The following SUPT6H variants were observed in gnomAD, a reference collection of about 807,000 sequenced individuals.
The protein encoded by SUPT6H is SPT6 homolog, histone chaperone and transcription elongation factor, also known as transcription elongation factor SPT6.
A neutral mutation model predicts 222.3 loss-of-function variants in SUPT6H; 11 were observed. The ratio of observed to expected loss-of-function variants is 0.05; its 90% CI spans 0.03 to 0.08. SUPT6H has a LOEUF of 0.08. SUPT6H is among the 10% of genes least tolerant of loss of function. The probability of loss-of-function intolerance (pLI) is 1.00; values close to 1 mark genes in which losing one functional copy is unlikely to be tolerated. For missense variants in SUPT6H, 1,422 were observed against 2,216.0 expected (o/e 0.64, Z 7.19); for synonymous variants, 762 against 801.2 (o/e 0.95, Z 0.83).
intron 15 of SUPT6H, 37 bp downstream of exon 15, chr17:28,683,129 C>T (rs1209728949): frequency 2.6e-6 from 4 of 1,566,146 alleles, no homozygotes; most frequent in African/African-American, 1.4e-5. Flanking sequence ...AAGATGTGCA[C>T]CAGCTCTTTC....
chr17:28,664,920 G>T (rs2029926952), intron 1 of SUPT6H, among the ~76,000 whole-genome samples: 1 of 152,050 alleles, frequency 6.6e-6, no homozygotes, highest in African/African-American at 2.4e-5. Context: ...GAATGTTTTT[G>T]TAATCTGTCT....
chr17:28,671,176 C>G (rs1228457769), intron 1 of SUPT6H: 1 of 152,190 alleles, frequency 6.6e-6, no homozygotes, highest in East Asian at 1.9e-4. Context: ...CCACCCTTCT[C>G]TTCTCTCCCC....
chr17:28,679,365 T>A (rs1430353366), intron 11 of SUPT6H, among the ~76,000 whole-genome samples: 2 of 151,894 alleles, frequency 1.3e-5, no homozygotes, highest in African/African-American at 4.8e-5. Flanking sequence ...AGAGCGAGAC[T>A]TCGTCTCAAA....
rs572336813 is a variant in SUPT6H at position 28,674,697 on chromosome 17, C to T, written c.345+84C>T. On this transcript the variant is annotated intron_variant, in intron 4 of 36. Transcript: ENST00000314616. ...CAATGTCTGTGGGTGAGGAGGCACACGCAGGACAGTTTGGAGAACATTAGA... is the reference window on the plus strand; with the variant it reads ...CAATGTCTGTGGGTGAGGAGGCACATGCAGGACAGTTTGGAGAACATTAGA... The T allele has an allele frequency of 3.1e-5, 40 of 1,306,402 alleles. No individual in the cohort carries two copies. The South Asian group carries it at 3.3e-4, about 11-fold the overall frequency. 80.9% of individuals were successfully genotyped at this position (1,306,402 alleles called of 1,614,324 possible). A position where few individuals can be genotyped will look rare whatever the true frequency, so the allele number is the denominator to read the frequency against.
At chr17:28,669,685 A>G (rs955787690) in intron 1 of SUPT6H, among the ~76,000 whole-genome samples, 3 of 152,338 alleles carry the variant, frequency 2.0e-5, no homozygotes, top group Non-Finnish European at 2.9e-5. Flanking sequence ...CTGTAGTCCC[A>G]GCACTTTGGG....
chr17:28,688,445 A>G lies in SUPT6H; in HGVS notation c.3134+227A>G, dbSNP rs2031498366. The G allele has an allele frequency of 5.4e-6, 2 of 373,504 alleles. No individual in the cohort carries two copies. Among genetic ancestry groups the G allele is most frequent in the African/African-American group, 2.1e-5 (1 of 47,416 alleles). The allele number at this position is 373,504 out of a possible 1,614,324, so 23.1% of individuals were successfully genotyped here. A position where few individuals can be genotyped will look rare whatever the true frequency, so the allele number is the denominator to read the frequency against. ...AGAGAAACATAAAAAGTACCAGCTT[A>G]GCTTATAAATTAAGCATGGAAAACA... is the stretch of plus-strand genomic sequence containing the variant. On this transcript the variant is annotated intron_variant, in intron 24 of 36. Transcript: ENST00000314616. The surrounding 1 kb of genome is among the most constrained non-coding windows in gnomAD (Gnocchi z 4.3).
chr17:28,700,042 G>T (rs1265268412), intron 33 of SUPT6H, 131 bp from the exon 34 acceptor site: 1 of 1,441,888 alleles, frequency 6.9e-7, no homozygotes, highest in Non-Finnish European at 9.7e-7. Context: ...CACCAGGAAG[G>T]TTCTCCATCC....
chr17:28,665,360 GTTTAT>G (rs1328249424), intron 1 of SUPT6H, among the ~76,000 whole-genome samples: 2 of 152,160 alleles, frequency 1.3e-5, no homozygotes, highest in Non-Finnish European at 2.9e-5. Flanking sequence ...TTAGAGCAAG[GTTTAT>G]TTTATTTGTT....
Position 28,678,238 on chromosome 17 carries a change from G to A in SUPT6H, c.1116+46G>A, listed in dbSNP as rs373374454. 2.4e-5 allele frequency: 37 copies of A among 1,523,420 alleles called. No homozygotes were observed. The African/African-American group carries it at 4.2e-4, about 17-fold the overall frequency. The allele number at this position is 1,523,420 out of a possible 1,614,324, so 94.4% of individuals were successfully genotyped here. A position where few individuals can be genotyped will look rare whatever the true frequency, so the allele number is the denominator to read the frequency against. On this transcript the variant is annotated intron_variant, in intron 9 of 36. Transcript: ENST00000314616. ...GGCCCATTGGTGAGAAATTTAGTTA[G>A]GGGATGAGGGAAAAGATAATTACCT...
At chr17:28,664,922 A>G (rs986016967) in intron 1 of SUPT6H, among the ~76,000 whole-genome samples, 2 of 152,146 alleles carry the variant, frequency 1.3e-5, no homozygotes, top group African/African-American at 4.8e-5. Flanking sequence ...ATGTTTTTGT[A>G]ATCTGTCTTC....
chr17:28,694,628 T>C (rs1273651999), intron 28 of SUPT6H, among the ~76,000 whole-genome samples: 1 of 152,184 alleles, frequency 6.6e-6, no homozygotes, highest in East Asian at 1.9e-4. Flanking sequence ...AGTGACTGGC[T>C]TTTGCCACTA....
chr17:28,702,678 A>G lies in SUPT6H; in HGVS notation c.*1053A>G, dbSNP rs1335873946. The stretch of plus-strand genomic sequence containing the variant: ...GGCCACAAGTAAATCTGGATTTCTC[A>G]ACTTGAGCCTCTGCCGTTCATCTCT... On this transcript the variant is annotated 3_prime_UTR_variant, in exon 37 of 37. Coordinates refer to ENST00000314616, the MANE Select transcript of SUPT6H (RefSeq NM_003170.5). The G allele has an allele frequency of 6.6e-6, 1 of 152,460 alleles. No individual in the cohort carries two copies. The highest frequency in any genetic ancestry group is 1.5e-5 in the Non-Finnish European group (1 of 68,148). 9.4% of individuals were successfully genotyped at this position (152,460 alleles called of 1,614,324 possible).
At chr17:28,678,266 A>T in intron 9 of SUPT6H, 74 bp downstream of exon 9, 1 of 1,333,454 alleles carries the variant, frequency 7.5e-7, no homozygotes, top group Middle Eastern at 1.8e-4. Context: ...AATTACCTAA[A>T]TGAGGTGGGA....
At chr17:28,699,920 G>T in intron 33 of SUPT6H, 27 bp downstream of exon 33, 2 of 1,601,130 alleles carry the variant, frequency 1.2e-6, no homozygotes, top group Non-Finnish European at 1.7e-6. Context: ...CTGACTTCAG[G>T]GACGTGGCTG....
chr17:28,665,224 T>G (rs960131703), intron 1 of SUPT6H, among the ~76,000 whole-genome samples: 10 of 152,204 alleles, frequency 6.6e-5, no homozygotes, highest in Middle Eastern at 3.2e-3. Flanking sequence ...ATATACCATG[T>G]TCTTGCCCAC....
chr17:28,697,409 C>A (rs1464762855), intron 30 of SUPT6H, among the ~76,000 whole-genome samples: 1 of 152,100 alleles, frequency 6.6e-6, no homozygotes, highest in Non-Finnish European at 1.5e-5. Flanking sequence ...TCCTGTTGTT[C>A]CCAAGCACTA....
At chr17:28,675,584 G>A (rs2030697879) in intron 6 of SUPT6H, 99 bp downstream of exon 6, 14 of 1,277,324 alleles carry the variant, frequency 1.1e-5, no homozygotes, top group South Asian at 9.9e-5. Flanking sequence ...GGCATTCCCA[G>A]CTTGCAGCCA....
Position 28,692,515 on chromosome 17 carries a change from C to CA in SUPT6H, c.3634-1172dup, listed in dbSNP as rs530396460. On this transcript the variant is annotated intron_variant, in intron 27 of 36. Transcript: ENST00000314616. Reference sequence around the variant, plus strand: ...GGGTGTGGTGGTGAGACTCCTATCTCAAAAAAAAACACAAAAGGGAGGGGC... The same window carrying CA: ...GGGTGTGGTGGTGAGACTCCTATCTCAAAAAAAAAACACAAAAGGGAGGGGC... Among the ~76,000 whole-genome samples the CA allele has an allele frequency of 2.1e-3, 296 of 140,760 alleles. 24 individuals are homozygous for CA. Among genetic ancestry groups the CA allele is most frequent in the African/African-American group, 7.6e-3 (285 of 37,342 alleles). The allele number at this position is 140,760 out of a possible 152,430, so 92.3% of individuals were successfully genotyped here.
At chr17:28,698,212 A>G (rs1336845016) in intron 32 of SUPT6H, among the ~76,000 whole-genome samples, 182 bp downstream of exon 32, 2 of 152,192 alleles carry the variant, frequency 1.3e-5, no homozygotes, top group Non-Finnish European at 2.9e-5. Context: ...GCAAAAAGGC[A>G]AGGATTCACA....
Sources: allele counts gnomAD v4.1 joint callset (sites outside exome capture counted in the v4.1 genomes callset), GRCh38; gene constraint gnomAD v4.1.1; non-coding constraint Gnocchi (gnomAD v3.1); transcripts MANE v1.5; gene names NCBI Gene and HGNC (gene_info 2026-07-23, HGNC 2026-07-21).